Variants in STAU2 observed in about 807,000 individuals in gnomAD.
STAU2 encodes double-stranded RNA-binding protein Staufen homolog 2.
Under a neutral mutation model 65.9 loss-of-function variants are expected in STAU2, and 20 were observed. The ratio of observed to expected loss-of-function variants is 0.30; its 90% CI spans 0.21 to 0.44. The LOEUF is 0.44. Among genes scored for constraint, STAU2 ranks in the 20% least tolerant of loss-of-function variants. The pLI, the probability that STAU2 is intolerant of heterozygous loss-of-function variation, is 1.00. For missense variants in STAU2, 558 were observed against 683.9 expected (o/e 0.82, Z 2.05); for synonymous variants, 232 against 233.9 (o/e 0.99, Z 0.07).
intron 13 of STAU2, among the ~76,000 whole-genome samples, chr8:73,511,809 T>A (rs181727170): frequency 1.3e-5 from 2 of 152,322 alleles, no homozygotes; most frequent in Admixed American, 1.3e-4. Flanking sequence ...GATTTTGGTG[T>A]CATATCTAAG....
intron 6 of STAU2, among the ~76,000 whole-genome samples, chr8:73,642,793 G>A (rs1011401742): frequency 6.6e-6 from 1 of 152,102 alleles, no homozygotes; most frequent in Admixed American, 6.6e-5. Flanking sequence ...GACTGAAAAG[G>A]TTACATTAGA....
intron 13 of STAU2, among the ~76,000 whole-genome samples, chr8:73,461,649 A>G (rs1819356497): frequency 1.3e-5 from 2 of 152,160 alleles, no homozygotes; most frequent in Non-Finnish European, 2.9e-5. Flanking sequence ...AACAGAGAGC[A>G]CAAGCACAAG....
intron 6 of STAU2, among the ~76,000 whole-genome samples, chr8:73,671,446 A>C (rs1817668532): frequency 6.6e-6 from 1 of 152,062 alleles, no homozygotes; most frequent in African/African-American, 2.4e-5. Context: ...AGAAGACAAA[A>C]ACCTTTTTAA....
intron 6 of STAU2, among the ~76,000 whole-genome samples, chr8:73,659,851 T>A (rs1362838613): frequency 6.6e-6 from 1 of 152,202 alleles, no homozygotes; most frequent in Non-Finnish European, 1.5e-5. Context: ...ACATTACGAA[T>A]TCAGTATTAA....
intron 13 of STAU2, among the ~76,000 whole-genome samples, chr8:73,468,227 T>C (rs1001925481): frequency 2.0e-5 from 3 of 152,180 alleles, no homozygotes; most frequent in African/African-American, 7.2e-5. Flanking sequence ...ATTCAACAAA[T>C]GGTGCTGGGA....
chr8:73,705,027 T>C (rs1270126709), intron 4 of STAU2, among the ~76,000 whole-genome samples: 2 of 152,166 alleles, frequency 1.3e-5, no homozygotes, highest in Non-Finnish European at 2.9e-5. Context: ...ATGCACCTTA[T>C]TTATTTTCAG....
intron 6 of STAU2, among the ~76,000 whole-genome samples, chr8:73,667,187 C>T (rs920664208): frequency 9.2e-5 from 14 of 152,136 alleles, no homozygotes; most frequent in Non-Finnish European, 1.3e-4. Flanking sequence ...TCCAGGCCTG[C>T]ATCACATTAT....
At chr8:73,647,660 C>G (rs1317649954) in intron 6 of STAU2, among the ~76,000 whole-genome samples, 2 of 150,850 alleles carry the variant, frequency 1.3e-5, no homozygotes, top group Non-Finnish European at 2.9e-5. Context: ...CTCGTAGTAG[C>G]CTCAAATTCC....
At chr8:73,658,945 A>ACAACAAC (rs199789244) in intron 6 of STAU2, among the ~76,000 whole-genome samples, 1 of 107,312 alleles carries the variant, frequency 9.3e-6, no homozygotes, top group African/African-American at 3.9e-5. Context: ...AAAAACAACA[A>ACAACAAC]AAAAAAAAAA....
At chr8:73,703,888 T>C (rs1040567737) in intron 4 of STAU2, among the ~76,000 whole-genome samples, 5 of 152,176 alleles carry the variant, frequency 3.3e-5, no homozygotes, top group African/African-American at 4.8e-5. Flanking sequence ...CACACAGATA[T>C]AAAGCAGAAA....
At chr8:73,510,741 T>C (rs1479652486) in intron 13 of STAU2, among the ~76,000 whole-genome samples, 1 of 152,152 alleles carries the variant, frequency 6.6e-6, no homozygotes, top group African/African-American at 2.4e-5. Flanking sequence ...TTAGATCTCC[T>C]GAGAACTCAC....
At position 73,634,273 on chromosome 8, in the gene STAU2, T is replaced by A. The variant is rs187034250; in HGVS notation, c.411-16822A>T. 7.4e-3 allele frequency among the ~76,000 whole-genome samples: 1,125 copies of A among 152,210 alleles called. 6 individuals are homozygous for A. Among genetic ancestry groups the A allele is most frequent in the Non-Finnish European group, 0.013 (864 of 68,014 alleles). ...TTTTTATTTATTTATTTATTTATTT[T>A]TTGCTCAAAACCTGCGTTGGCCGGG... On this transcript the variant is annotated intron_variant, in intron 6 of 14. Transcript: ENST00000524300.
At chr8:73,583,411 G>T (rs181204163) in intron 11 of STAU2, among the ~76,000 whole-genome samples, 7 of 152,216 alleles carry the variant, frequency 4.6e-5, no homozygotes, top group African/African-American at 1.4e-4. Context: ...CTCCCAAAGT[G>T]CTGGGATTAT....
At chr8:73,631,527 T>C (rs1041650907) in intron 6 of STAU2, among the ~76,000 whole-genome samples, 1 of 152,066 alleles carries the variant, frequency 6.6e-6, no homozygotes, top group African/African-American at 2.4e-5. Context: ...TGTAAAATAA[T>C]AAATAACATT....
chr8:73,598,642 C>T (rs1811392595), intron 10 of STAU2, among the ~76,000 whole-genome samples: 1 of 151,970 alleles, frequency 6.6e-6, no homozygotes, highest in Admixed American at 6.6e-5. Context: ...AAGGATGTTC[C>T]CTATTATTAC....
At chr8:73,726,297 TG>T (rs1335175073) in intron 3 of STAU2, among the ~76,000 whole-genome samples, 3 of 152,146 alleles carry the variant, frequency 2.0e-5, no homozygotes, top group Middle Eastern at 3.2e-3. Context: ...GAAAGTGGTA[TG>T]AGGTATAAAA....
intron 3 of STAU2, among the ~76,000 whole-genome samples, chr8:73,726,428 A>G (rs1805639099): frequency 6.6e-6 from 1 of 152,236 alleles, no homozygotes; most frequent in South Asian, 2.1e-4. Context: ...AAACTGTTGA[A>G]ATAAAAAATA....
chr8:73,538,581 A>G (rs908837722), intron 13 of STAU2, among the ~76,000 whole-genome samples: 1 of 152,038 alleles, frequency 6.6e-6, no homozygotes, highest in African/African-American at 2.4e-5. Flanking sequence ...AAAAGGGTAC[A>G]GAAAAAATTT....
chr8:73,654,664 A>AAAAAAAAAAAAAAAAAAATAC (rs1554556802), intron 6 of STAU2, among the ~76,000 whole-genome samples: 1 of 122,986 alleles, frequency 8.1e-6, no homozygotes, highest in African/African-American at 3.0e-5. Flanking sequence ...AAAAAAAAGA[A>AAAAAAAAAAAAAAAAAAATAC]CTCTTTTAAT....
Sources: allele counts gnomAD v4.1 joint callset (sites outside exome capture counted in the v4.1 genomes callset), GRCh38; gene constraint gnomAD v4.1.1; transcripts MANE v1.5; gene names NCBI Gene and HGNC (gene_info 2026-07-23, HGNC 2026-07-21).